The following TBC1D20 variants were observed in gnomAD, a reference collection of about 807,000 sequenced individuals.
TBC1D20 encodes the protein TBC1 domain family member 20.
A neutral mutation model predicts 41.6 loss-of-function variants in TBC1D20; 12 were observed. The observed-to-expected ratio is 0.29, with a 90% CI of 0.18 to 0.47. The LOEUF is 0.47. TBC1D20 is among the 20% of genes least tolerant of loss of function. The pLI is 1.00. For synonymous variants in TBC1D20, 205 were observed against 204.8 expected, an observed-to-expected ratio of 1.00 and a Z score of -0.01; for missense variants, 421 against 517.4, an observed-to-expected ratio of 0.81 and a Z score of 1.81.
intron 4 of TBC1D20, 28 bp from the exon 5 acceptor site, chr20:441,717 G>T: frequency 6.2e-7 from 1 of 1,609,392 alleles, no homozygotes; most frequent in South Asian, 1.1e-5. Flanking sequence ...AATAAGCCTG[G>T]TTACCAAACA....
At chr20:453,270 C>T (rs1198440677) in intron 1 of TBC1D20, among the ~76,000 whole-genome samples, 8 of 141,238 alleles carry the variant, frequency 5.7e-5, no homozygotes, top group African/African-American at 1.6e-4. Flanking sequence ...GTCAGGAGTT[C>T]GAGACCAGCC....
chr20:462,520 G>C lies in TBC1D20; in HGVS notation c.-115C>G. ...CGGCATCGGCAGGCTCCCCTCCGTC[G>C]GCCAGCGGCGCGCAGGCGCGCAGGC... On this transcript the variant is annotated 5_prime_UTR_variant, in exon 1 of 8. Transcript: ENST00000354200. 2 of 530,760 alleles carry C rather than the reference G, an allele frequency of 3.8e-6. No individual in the cohort carries two copies. The highest frequency in any genetic ancestry group is 5.1e-6 in the Non-Finnish European group (2 of 389,754). 32.9% of individuals were successfully genotyped at this position (530,760 alleles called of 1,614,324 possible).
At chr20:462,284 C>A (rs966525363) in intron 1 of TBC1D20, 52 bp downstream of exon 1, 4 of 1,214,628 alleles carry the variant, frequency 3.3e-6, no homozygotes, top group Non-Finnish European at 4.1e-6. Context: ...CTGCCCCTGC[C>A]CCCCGGGCCG....
intron 5 of TBC1D20, 187 bp from the exon 6 acceptor site, chr20:440,576 T>G: frequency 2.9e-6 from 2 of 695,772 alleles, no homozygotes; most frequent in Non-Finnish European, 4.5e-6. Flanking sequence ...ACCACAACAC[T>G]AACACCACAA....
chr20:444,898 T>A, intron 3 of TBC1D20, 152 bp downstream of exon 3: 1 of 613,790 alleles, frequency 1.6e-6, no homozygotes, highest in Non-Finnish European at 2.9e-6. Context: ...ACAGTGGGGG[T>A]CTGAAAGTGA....
chr20:461,891 ACGCG>A (rs1183201113), intron 1 of TBC1D20, among the ~76,000 whole-genome samples: 2 of 152,252 alleles, frequency 1.3e-5, no homozygotes, highest in Non-Finnish European at 2.9e-5. Context: ...CATCGGCGGT[ACGCG>A]GGCAGCGCGT....
At position 438,773 on chromosome 20, in the gene TBC1D20, C is replaced by T. The variant is rs765341639; in HGVS notation, c.1025G>A (p.Arg342Gln). ...SAQQRPDMVL[R>Q]QRFRGLLRPE... The stretch of plus-strand genomic sequence containing the variant: ...CCGCAGAAGTCCCCGAAACCGCTGC[C>T]GCAGCACCATATCAGGCCTCTGCTG... Residue 342 changes from arginine to glutamine, a missense_variant, in exon 8 of 8, where the codon CGG becomes CAG. Physicochemically the swap from Arg to Gln is conservative, Grantham distance 43 (BLOSUM62 1). Coordinates refer to ENST00000354200, the MANE Select transcript of TBC1D20 (RefSeq NM_144628.4). 29 of 1,614,090 alleles carry T rather than the reference C, an allele frequency of 1.8e-5. No individual in the cohort carries two copies. Among genetic ancestry groups the T allele is most frequent in the Non-Finnish European group, 2.5e-5 (29 of 1,180,050 alleles).
Position 462,423 on chromosome 20 carries a change from C to T in TBC1D20, c.-18G>A. 8.3e-7 allele frequency: 1 copy of T among 1,207,626 alleles called. No individual in the cohort carries two copies. Among genetic ancestry groups the T allele is most frequent in the South Asian group, 2.8e-5 (1 of 35,310 alleles). The allele number at this position is 1,207,626 out of a possible 1,614,324, so 74.8% of individuals were successfully genotyped here. ...AGGGCCATGCCCCGGGGCCCCGGGCCCCCACCCGAGCCCCGGCTGGTGGCG... is the reference window on the plus strand; with the variant it reads ...AGGGCCATGCCCCGGGGCCCCGGGCTCCCACCCGAGCCCCGGCTGGTGGCG... On this transcript the variant is annotated 5_prime_UTR_variant, in exon 1 of 8. Coordinates refer to ENST00000354200, the MANE Select transcript of TBC1D20 (RefSeq NM_144628.4).
At position 453,455 on chromosome 20, in the gene TBC1D20, T is replaced by C. The variant is rs927144744; in HGVS notation, c.71-5381A>G. Among the ~76,000 whole-genome samples the C allele has an allele frequency of 7.0e-5, 10 of 143,284 alleles. 1 individual carries two copies. The highest frequency in any genetic ancestry group is 2.4e-4 in the African/African-American group (9 of 38,162). 94.0% of individuals were successfully genotyped at this position (143,284 alleles called of 152,430 possible). A position where few individuals can be genotyped will look rare whatever the true frequency, so the allele number is the denominator to read the frequency against. On this transcript the variant is annotated intron_variant, in intron 1 of 7. Transcript: ENST00000354200. Reference sequence around the variant, plus strand: ...TGCTATATGCCACTGCACTCTAGCCTGGGCGACAAGAGCGAAACTCCGTCT... The same window carrying C: ...TGCTATATGCCACTGCACTCTAGCCCGGGCGACAAGAGCGAAACTCCGTCT...
chr20:441,616 T>C lies in TBC1D20; in HGVS notation c.598A>G (p.Asn200Asp). The C allele has an allele frequency of 1.2e-6, 2 of 1,614,198 alleles. No homozygotes were observed. Among genetic ancestry groups the C allele is most frequent in the Non-Finnish European group, 1.7e-6 (2 of 1,180,030 alleles). Reference protein sequence around the residue: ...NYLMPIIDQVNPELHDFMQSA... With the variant: ...NYLMPIIDQVDPELHDFMQSA... ...TGCATGAAGTCATGGAGCTCTGGAT[T>C]CACCTGGTCAATGATGGGCATCAGA... Residue 200 changes from asparagine (N) to aspartate (D), a missense_variant, in exon 5 of 8, where the codon AAT becomes GAT. Asn to Asp is a conservative substitution (Grantham distance 23). Around this residue, in one of 3 missense-constraint regions of TBC1D20, gnomAD observed 110 missense variants for 183.5 expected, o/e 0.60. Transcript: ENST00000354200.
chr20:453,540 ATTTTTTTTTT>A (rs1157479385), intron 1 of TBC1D20, among the ~76,000 whole-genome samples: 1 of 105,812 alleles, frequency 9.5e-6, no homozygotes, highest in Non-Finnish European at 1.8e-5. Context: ...GTAATCCAGC[ATTTTTTTTTT>A]TTTTTTTTTT....
chr20:454,374 G>A (rs573592458), intron 1 of TBC1D20, among the ~76,000 whole-genome samples: 12 of 152,216 alleles, frequency 7.9e-5, no homozygotes, highest in African/African-American at 2.9e-4. Flanking sequence ...GGACATTCAG[G>A]GGCTGGGATG....
chr20:453,167 A>AC (rs2017476855), intron 1 of TBC1D20, among the ~76,000 whole-genome samples: 1 of 137,636 alleles, frequency 7.3e-6, no homozygotes, highest in Non-Finnish European at 1.6e-5. Context: ...AAAAAAAAAA[A>AC]AAAAAAAAAA....
At chr20:447,019 T>C (rs941953343) in intron 2 of TBC1D20, among the ~76,000 whole-genome samples, 29 of 147,308 alleles carry the variant, frequency 2.0e-4, no homozygotes, top group African/African-American at 7.3e-4. Flanking sequence ...GTGCAATCTC[T>C]GCTCACTGCA....
chr20:441,467 G>T, intron 5 of TBC1D20, 121 bp downstream of exon 5: 1 of 836,374 alleles, frequency 1.2e-6, no homozygotes, highest in Non-Finnish European at 2.0e-6. Context: ...CAACTGGGGA[G>T]AACTTAACAA....
Position 439,705 on chromosome 20 carries a change from A to G in TBC1D20, c.769-410T>C, listed in dbSNP as rs1353985402. ...AAGAACAGTCTTGCTCCCTTTAAGC[A>G]TCTTCCTTCTGACTGTTGGTCCACA... On this transcript the variant is annotated intron_variant, in intron 6 of 7. Transcript: ENST00000354200. The surrounding 1 kb of genome is among the most constrained non-coding windows in gnomAD (Gnocchi z 4.6). Among the ~76,000 whole-genome samples the G allele has an allele frequency of 2.0e-5, 3 of 152,208 alleles. No homozygotes were observed. Among genetic ancestry groups the G allele is most frequent in the Non-Finnish European group, 2.9e-5 (2 of 68,038 alleles).
intron 1 of TBC1D20, 87 bp downstream of exon 1, chr20:462,249 G>A: frequency 1.1e-6 from 1 of 927,332 alleles, no homozygotes; most frequent in Non-Finnish European, 1.4e-6. Context: ...CCCAGCCCGC[G>A]CCCCTCCGGC....
intron 5 of TBC1D20, 76 bp downstream of exon 5, chr20:441,512 T>C (rs925740100): frequency 7.7e-7 from 1 of 1,298,494 alleles, no homozygotes; most frequent in South Asian, 1.2e-5. Flanking sequence ...TGCGCTCGGC[T>C]TGTGAGGAGT....
chr20:443,979 A>C (rs1004715352), intron 3 of TBC1D20, among the ~76,000 whole-genome samples: 3 of 151,892 alleles, frequency 2.0e-5, no homozygotes, highest in African/African-American at 7.3e-5. Context: ...CACACACACA[A>C]AATTAGCTGG....
Sources: gnomAD v4.1 joint callset for allele counts (sites outside exome capture counted in the v4.1 genomes callset) on GRCh38, gnomAD v4.1.1 for gene constraint, gnomAD v4.1.1 regional missense constraint, Gnocchi (gnomAD v3.1) non-coding constraint, MANE v1.5 for transcripts, NCBI Gene and HGNC (gene_info 2026-07-23, HGNC 2026-07-21) for gene names.